Variants in PEX14 observed in about 807,000 individuals in gnomAD.
PEX14 encodes peroxisomal membrane protein PEX14.
Under a neutral mutation model 49.5 loss-of-function variants are expected in PEX14, and 15 were observed. The observed-to-expected ratio is 0.30, with a 90% confidence interval of 0.20 to 0.47. PEX14 has a LOEUF of 0.47. Among genes scored for constraint, PEX14 ranks in the 20% least tolerant of loss-of-function variants. The probability of loss-of-function intolerance (pLI) is 1.00; values close to 1 mark genes in which losing one functional copy is unlikely to be tolerated. For missense variants in PEX14, 398 were observed against 494.8 expected (o/e 0.80, Z 1.86); for synonymous variants, 210 against 212.7 (o/e 0.99, Z 0.11).
intron 4 of PEX14, among the ~76,000 whole-genome samples, chr1:10,610,398 C>CACACACACACACAT (rs70997260): frequency 7.1e-6 from 1 of 140,696 alleles, no homozygotes; most frequent in African/African-American, 2.6e-5. Flanking sequence ...CACACACACA[C>CACACACACACACAT]ATATATATAT....
At chr1:10,599,110 C>A in intron 3 of PEX14, 128 bp from the exon 4 acceptor site, 2 of 911,572 alleles carry the variant, frequency 2.2e-6, no homozygotes, top group Non-Finnish European at 3.6e-6. Context: ...AATCTGAAAT[C>A]GGGGAGGCAA....
intron 2 of PEX14, among the ~76,000 whole-genome samples, chr1:10,516,433 A>G (rs1557822089): frequency 6.6e-6 from 1 of 152,194 alleles, no homozygotes; most frequent in Non-Finnish European, 1.5e-5. Context: ...GGACCTTGAG[A>G]AACGGTTATC....
rs557642772 is a variant in PEX14, at chr1:10,494,304, C to T, written c.37-970C>T. ...GCACTTCCATCTGATCTGTAATAGC[C>T]GGGAGAATGGAGGCTGCAGGCTGTC... On this transcript the variant is annotated intron_variant, in intron 1 of 8. Coordinates refer to ENST00000356607, the MANE Select transcript of PEX14 (RefSeq NM_004565.3). This position sits in a 1 kb window ranked among gnomAD's most constrained non-coding sequence, Gnocchi z 4.3. Among the ~76,000 whole-genome samples, 13 of 152,246 alleles carry T rather than the reference C, an allele frequency of 8.5e-5. No homozygotes were observed. In the South Asian group the frequency reaches 2.3e-3, roughly 27 times the overall value.
chr1:10,584,816 A>G (rs867776401), intron 3 of PEX14, among the ~76,000 whole-genome samples: 1 of 152,214 alleles, frequency 6.6e-6, no homozygotes, highest in Non-Finnish European at 1.5e-5. Context: ...AGAGAAAATG[A>G]TCTTACATGG....
chr1:10,526,221 ATTT>A (rs35251972), intron 2 of PEX14, among the ~76,000 whole-genome samples: 4 of 127,134 alleles, frequency 3.1e-5, no homozygotes, highest in Non-Finnish European at 3.3e-5. Context: ...CGCCCGGCTG[ATTT>A]TTTTTTTTTT....
At position 10,512,062 on chromosome 1, in the gene PEX14, C is replaced by T. The variant is rs1292273752; in HGVS notation, c.84+16741C>T. On this transcript the variant is annotated intron_variant, in intron 2 of 8. Coordinates refer to ENST00000356607, the MANE Select transcript of PEX14 (RefSeq NM_004565.3). This position sits in a 1 kb window ranked among gnomAD's most constrained non-coding sequence, Gnocchi z 4.6. Reference sequence around the variant, plus strand: ...GCACGCTCCGCCTCCCGGGTTTACGCCATTCTCCTGCCTCAGCTTCCCGAA... The same window carrying T: ...GCACGCTCCGCCTCCCGGGTTTACGTCATTCTCCTGCCTCAGCTTCCCGAA... Among the ~76,000 whole-genome samples, 1 of 152,130 alleles carries T rather than the reference C, an allele frequency of 6.6e-6. No homozygotes were observed. The highest frequency in any genetic ancestry group is 1.5e-5 in the Non-Finnish European group (1 of 68,014).
At chr1:10,541,907 CTGCGATGGGGAAATAGTGCAGA>C (rs1327795902) in intron 3 of PEX14, among the ~76,000 whole-genome samples, 1 of 152,180 alleles carries the variant, frequency 6.6e-6, no homozygotes, top group Non-Finnish European at 1.5e-5. Context: ...CCACTTCACC[CTGCGATGGGGAAATAGTGCAGA>C]GGAGTTTGCG....
chr1:10,560,059 A>ATT (rs1475577830), intron 3 of PEX14, among the ~76,000 whole-genome samples: 214 of 145,278 alleles, frequency 1.5e-3, no homozygotes, highest in African/African-American at 5.3e-3. Flanking sequence ...TCTTCCATCT[A>ATT]TTTTTTTTTT....
At chr1:10,605,260 T>C (rs1641094161) in intron 4 of PEX14, among the ~76,000 whole-genome samples, 2 of 152,174 alleles carry the variant, frequency 1.3e-5, no homozygotes, top group Admixed American at 1.3e-4. Flanking sequence ...ATACGGTCTG[T>C]GAGCCCAGCT....
chr1:10,511,740 C>T (rs796405429), intron 2 of PEX14, among the ~76,000 whole-genome samples: 30 of 152,012 alleles, frequency 2.0e-4, no homozygotes, highest in African/African-American at 6.8e-4. Context: ...ACTTCTGTGG[C>T]CTGTGAGATC....
intron 3 of PEX14, among the ~76,000 whole-genome samples, chr1:10,565,078 A>C (rs1344561447): frequency 6.6e-6 from 1 of 151,712 alleles, no homozygotes; most frequent in African/African-American, 2.4e-5. Flanking sequence ...TAATTTTTAT[A>C]TTTTTAGTAG....
In PEX14 at chr1:10,630,386, C is replaced by T. The variant is rs1393831235; in HGVS notation, c.*399C>T. The T allele has an allele frequency of 1.3e-5, 3 of 229,566 alleles. No homozygotes were observed. The highest frequency in any genetic ancestry group is 2.6e-5 in the Non-Finnish European group (3 of 115,146). The allele number at this position is 229,566 out of a possible 1,614,324, so 14.2% of individuals were successfully genotyped here. On this transcript the variant is annotated 3_prime_UTR_variant, in exon 9 of 9. Coordinates refer to ENST00000356607, the MANE Select transcript of PEX14 (RefSeq NM_004565.3). This position sits in a 1 kb window ranked among gnomAD's most constrained non-coding sequence, Gnocchi z 4.1. Reference sequence around the variant, plus strand: ...CAGAGCTAGCGTCCCTACTGCCTCCCGACTCCTCAGTGGAGGAGGAGCTGC... The same window carrying T: ...CAGAGCTAGCGTCCCTACTGCCTCCTGACTCCTCAGTGGAGGAGGAGCTGC...
intron 3 of PEX14, among the ~76,000 whole-genome samples, chr1:10,577,339 G>A (rs1483638423): frequency 2.1e-5 from 3 of 141,604 alleles, no homozygotes; most frequent in Non-Finnish European, 4.5e-5. Context: ...ATAGCTTTCA[G>A]TGAGCCGAGA....
rs1334800409 is a variant in PEX14, at chr1:10,529,045, C to G, written c.85-7168C>G. Reference sequence around the variant, plus strand: ...GGCAAATGTCATCCTTTTTTCCTCCCCTCTTTGGGTAACTGCTTTGTTGGT... The same window carrying G: ...GGCAAATGTCATCCTTTTTTCCTCCGCTCTTTGGGTAACTGCTTTGTTGGT... On this transcript the variant is annotated intron_variant, in intron 2 of 8. Coordinates refer to ENST00000356607, the MANE Select transcript of PEX14 (RefSeq NM_004565.3). The surrounding 1 kb of genome is among the most constrained non-coding windows in gnomAD (Gnocchi z 4.2). Among the ~76,000 whole-genome samples, 4 of 152,152 alleles carry G rather than the reference C, an allele frequency of 2.6e-5. No individual in the cohort carries two copies. The highest frequency in any genetic ancestry group is 4.8e-5 in the African/African-American group (2 of 41,424).
chr1:10,568,588 T>G (rs1207131097), intron 3 of PEX14, among the ~76,000 whole-genome samples: 1 of 152,158 alleles, frequency 6.6e-6, no homozygotes, highest in Non-Finnish European at 1.5e-5. Flanking sequence ...AGATTCTTTG[T>G]GCCATTATTT....
intron 1 of PEX14, 34 bp downstream of exon 1, chr1:10,475,036 G>A: frequency 6.3e-7 from 1 of 1,595,222 alleles, no homozygotes; most frequent in Non-Finnish European, 8.6e-7. Flanking sequence ...CTGTGCGGCG[G>A]AGACCCCGGC....
chr1:10,605,242 G>A (rs183963201), intron 4 of PEX14, among the ~76,000 whole-genome samples: 5 of 152,236 alleles, frequency 3.3e-5, no homozygotes, highest in East Asian at 1.9e-4. Context: ...CCTGGTGGTC[G>A]GTCGGTGATA....
rs1641943690 is a variant in PEX14, at chr1:10,514,785, G to A, written c.84+19464G>A. Among the ~76,000 whole-genome samples the A allele has an allele frequency of 6.6e-6, 1 of 152,196 alleles. No individual in the cohort carries two copies. Among genetic ancestry groups the A allele is most frequent in the Non-Finnish European group, 1.5e-5 (1 of 68,026 alleles). On this transcript the variant is annotated intron_variant, in intron 2 of 8. Coordinates refer to ENST00000356607, the MANE Select transcript of PEX14 (RefSeq NM_004565.3). This position sits in a 1 kb window ranked among gnomAD's most constrained non-coding sequence, Gnocchi z 4.4. ...TGTTTGCTTGTTTTTGCTACACCAAGCTTCTGGCATTTTTATTGTTCTTGA... is the reference window on the plus strand; with the variant it reads ...TGTTTGCTTGTTTTTGCTACACCAAACTTCTGGCATTTTTATTGTTCTTGA...
intron 3 of PEX14, among the ~76,000 whole-genome samples, chr1:10,575,669 C>T (rs1472196315): frequency 1.3e-5 from 2 of 152,108 alleles, no homozygotes; most frequent in African/African-American, 2.4e-5. Context: ...ATTTTTCTAA[C>T]GTTCTTCTAG....
Sources: gnomAD v4.1 joint callset for allele counts (sites outside exome capture counted in the v4.1 genomes callset) on GRCh38, gnomAD v4.1.1 for gene constraint, Gnocchi (gnomAD v3.1) non-coding constraint, MANE v1.5 for transcripts, NCBI Gene and HGNC (gene_info 2026-07-23, HGNC 2026-07-21) for gene names.